Variants in NALCN observed in about 807,000 individuals in gnomAD.
The protein encoded by NALCN is sodium leak channel, non-selective.
A neutral mutation model predicts 225.3 loss-of-function variants in NALCN; 111 were observed. The ratio of observed to expected loss-of-function variants is 0.49; its 90% confidence interval spans 0.42 to 0.58. The LOEUF (loss-of-function observed/expected upper bound fraction) is 0.58. NALCN is among the 20% of genes least tolerant of loss of function. The pLI, the probability that NALCN is intolerant of heterozygous loss-of-function variation, is 0.00. For synonymous variants in NALCN, 764 were observed against 769.0 expected, an observed-to-expected ratio of 0.99 and a Z score of 0.11; for missense variants, 1,378 against 2,202.4, an observed-to-expected ratio of 0.63 and a Z score of 7.49.
intron 34 of NALCN, among the ~76,000 whole-genome samples, chr13:101,080,689 C>A (rs2033587699): frequency 6.9e-6 from 1 of 144,624 alleles, no homozygotes; most frequent in Non-Finnish European, 1.5e-5. Context: ...TATATACATA[C>A]ACATACACAT....
intron 18 of NALCN, among the ~76,000 whole-genome samples, chr13:101,113,455 T>A (rs1437738254): frequency 1.3e-5 from 2 of 152,224 alleles, no homozygotes; most frequent in African/African-American, 2.4e-5. Flanking sequence ...GAAATTTTGC[T>A]ATTTTGGAAA....
At chr13:101,110,290 T>C (rs1334150137) in intron 20 of NALCN, among the ~76,000 whole-genome samples, 1 of 152,240 alleles carries the variant, frequency 6.6e-6, no homozygotes, top group Non-Finnish European at 1.5e-5. Context: ...TCAGTGAATA[T>C]TCAAAGTCAA....
intron 11 of NALCN, among the ~76,000 whole-genome samples, chr13:101,257,959 C>T (rs973796492): frequency 3.9e-5 from 6 of 152,096 alleles, no homozygotes; most frequent in Admixed American, 3.9e-4. Context: ...ATGAAACCTA[C>T]CTTTAATTGG....
chr13:101,323,685 T>C (rs1323755271), intron 7 of NALCN, among the ~76,000 whole-genome samples: 4 of 152,156 alleles, frequency 2.6e-5, no homozygotes. Flanking sequence ...TTATAACCTA[T>C]ACAAATAGAG....
intron 18 of NALCN, among the ~76,000 whole-genome samples, chr13:101,118,364 T>G (rs561286713): frequency 1.3e-5 from 2 of 152,212 alleles, no homozygotes; most frequent in African/African-American, 4.8e-5. Flanking sequence ...ATAAATCATA[T>G]GCTATCTCAA....
rs1171712268 is a variant in NALCN, at chr13:101,212,711, T to G, written c.1626+16682A>C. On this transcript the variant is annotated intron_variant, in intron 13 of 43. Coordinates refer to ENST00000251127, the MANE Select transcript of NALCN (RefSeq NM_052867.4). ...TATGACATTCAAAGAGGACACAATA[T>G]CCTCAATGCAAACAAAGGCAAAAGA... 4.6e-5 allele frequency among the ~76,000 whole-genome samples: 7 copies of G among 152,002 alleles called. No individual in the cohort carries two copies. The East Asian group carries it at 1.4e-3, about 29-fold the overall frequency.
chr13:101,126,904 T>C (rs887802442), intron 17 of NALCN, among the ~76,000 whole-genome samples: 7 of 152,158 alleles, frequency 4.6e-5, no homozygotes, highest in African/African-American at 1.7e-4. Flanking sequence ...GGCCCCATCA[T>C]CGTGGAGCAT....
At chr13:101,385,678 T>C (rs1346528264) in intron 3 of NALCN, among the ~76,000 whole-genome samples, 1 of 152,218 alleles carries the variant, frequency 6.6e-6, no homozygotes, top group East Asian at 1.9e-4. Flanking sequence ...CAGCATTGTT[T>C]ACCTACTTAA....
At chr13:101,337,219 A>T (rs935423859) in intron 7 of NALCN, among the ~76,000 whole-genome samples, 1 of 152,012 alleles carries the variant, frequency 6.6e-6, no homozygotes, top group African/African-American at 2.4e-5. Flanking sequence ...CCAGAGACCA[A>T]CCCCTTAAGG....
Position 101,062,145 on chromosome 13 carries a change from G to A in NALCN, c.4605-27C>T, listed in dbSNP as rs757650967. 9.9e-6 allele frequency: 16 copies of A among 1,611,124 alleles called. No individual in the cohort carries two copies. In the Admixed American group the frequency reaches 2.0e-4, roughly 20 times the overall value. ...TGGTGGGAGAAACACACCTGCAATC[G>A]CAGCTCTGATTCACCTGAGATTTAC... On this transcript the variant is annotated intron_variant, in intron 40 of 43. Transcript: ENST00000251127.
At chr13:101,120,630 G>A (rs907585330) in intron 18 of NALCN, among the ~76,000 whole-genome samples, 4 of 151,946 alleles carry the variant, frequency 2.6e-5, no homozygotes, top group Non-Finnish European at 5.9e-5. Context: ...AATTTCATGT[G>A]TGAAGAGGAC....
chr13:101,103,091 A>G, intron 26 of NALCN, 81 bp downstream of exon 26: 1 of 1,511,408 alleles, frequency 6.6e-7, no homozygotes. Flanking sequence ...TGACCTCAAT[A>G]AGCAAGACTC....
chr13:101,106,469 A>G, intron 22 of NALCN, among the ~76,000 whole-genome samples: 1 of 152,140 alleles, frequency 6.6e-6, no homozygotes, highest in East Asian at 1.9e-4. Flanking sequence ...AAGTTTTCTC[A>G]TTTCCTCCAT....
At chr13:101,177,388 A>C (rs993756302) in intron 14 of NALCN, among the ~76,000 whole-genome samples, 2 of 85,918 alleles carry the variant, frequency 2.3e-5, no homozygotes, top group African/African-American at 6.8e-5. Flanking sequence ...TGTTGAAAAC[A>C]CATTATAACA....
At chr13:101,407,354 C>T (rs1414444126) in intron 1 of NALCN, among the ~76,000 whole-genome samples, 2 of 152,170 alleles carry the variant, frequency 1.3e-5, no homozygotes, top group African/African-American at 4.8e-5. Flanking sequence ...AAGATTTCTC[C>T]TCTGTCTGGG....
At chr13:101,158,967 T>C (rs915222049) in intron 15 of NALCN, among the ~76,000 whole-genome samples, 2 of 152,098 alleles carry the variant, frequency 1.3e-5, no homozygotes, top group Non-Finnish European at 2.9e-5. Context: ...GAATCTCAAT[T>C]TAGAAGATAG....
At chr13:101,257,165 C>T (rs1029206273) in intron 11 of NALCN, among the ~76,000 whole-genome samples, 1 of 151,366 alleles carries the variant, frequency 6.6e-6, no homozygotes, top group African/African-American at 2.4e-5. Flanking sequence ...CTTCATCAGC[C>T]CCTGTCATTA....
chr13:101,397,066 T>TTTTATA (rs1491530959), intron 2 of NALCN, among the ~76,000 whole-genome samples: 17 of 56,386 alleles, frequency 3.0e-4, no homozygotes, highest in South Asian at 1.1e-3. Context: ...TATGAATGTA[T>TTTTATA]TATATATATA....
intron 1 of NALCN, among the ~76,000 whole-genome samples, chr13:101,402,162 T>G (rs2047494675): frequency 6.6e-6 from 1 of 152,202 alleles, no homozygotes; most frequent in Non-Finnish European, 1.5e-5. Flanking sequence ...AGCCAATATC[T>G]CTTTTTTCTG....
Sources: gnomAD v4.1 joint callset for allele counts (sites outside exome capture counted in the v4.1 genomes callset) on GRCh38, gnomAD v4.1.1 for gene constraint, MANE v1.5 for transcripts, NCBI Gene and HGNC (gene_info 2026-07-23, HGNC 2026-07-21) for gene names.